BSPH1: variants seen among roughly 807,000 people sequenced by gnomAD.
The protein encoded by BSPH1 is binder of sperm 1.
Under a neutral mutation model 22.5 loss-of-function variants are expected in BSPH1, and 21 were observed. The observed-to-expected ratio is 0.93, with a 90% CI of 0.66 to 1.35. The LOEUF (loss-of-function observed/expected upper bound fraction) is 1.35, where lower values mean the gene tolerates loss of function less well. Ranked by LOEUF, BSPH1 falls within the 40% of genes most tolerant of loss-of-function variation. The pLI is 0.00. For missense variants in BSPH1, 141 were observed against 154.2 expected (o/e 0.91, Z 0.45); for synonymous variants, 42 against 53.6 (o/e 0.78, Z 0.95).
downstream of BSPH1, among the ~76,000 whole-genome samples, chr19:47,967,310 A>G (rs1300408303): frequency 6.6e-6 from 1 of 152,160 alleles, no homozygotes; most frequent in East Asian, 1.9e-4. Context: ...AAAGGATACG[A>G]TTTCATTCTT....
intron 1 of BSPH1, among the ~76,000 whole-genome samples, chr19:47,983,724 C>G (rs1239141540): frequency 6.6e-6 from 1 of 152,094 alleles, no homozygotes; most frequent in Non-Finnish European, 1.5e-5. Context: ...AGCAAGTGGA[C>G]TACAAAATGA....
At chr19:47,979,962 G>A (rs1247018685) in intron 2 of BSPH1, among the ~76,000 whole-genome samples, 2 of 151,958 alleles carry the variant, frequency 1.3e-5, no homozygotes, top group Non-Finnish European at 2.9e-5. Context: ...CTTGCATCCA[G>A]CCACATAGCC....
At chr19:47,979,384 G>A (rs1433982561) in intron 3 of BSPH1, among the ~76,000 whole-genome samples, 186 bp downstream of exon 3, 2 of 152,090 alleles carry the variant, frequency 1.3e-5, no homozygotes, top group African/African-American at 2.4e-5. Context: ...CACATTTAGT[G>A]CTGATGAAAG....
chr19:47,973,216 CAAA>C (rs1412822380), intron 5 of BSPH1, among the ~76,000 whole-genome samples: 2 of 78,024 alleles, frequency 2.6e-5, no homozygotes. Flanking sequence ...GACTCCGTCT[CAAA>C]ATAATAATAA....
intron 1 of BSPH1, among the ~76,000 whole-genome samples, chr19:47,990,666 A>G (rs1474086420): frequency 6.6e-6 from 1 of 152,078 alleles, no homozygotes; most frequent in Admixed American, 6.6e-5. Context: ...TAAAAGAAAT[A>G]TCTGCAAGAT....
intron 5 of BSPH1, among the ~76,000 whole-genome samples, 183 bp from the exon 6 acceptor site, chr19:47,968,392 C>T (rs911660137): frequency 4.0e-4 from 59 of 146,332 alleles, no homozygotes; most frequent in African/African-American, 1.5e-3. Context: ...GACAGAGTAT[C>T]TGTCTCCCAC....
In BSPH1 at chr19:47,976,583, A is replaced by G. The variant is rs1421109962; in HGVS notation, c.*2+127T>C. The G allele has an allele frequency of 9.0e-6, 3 of 331,940 alleles. No homozygotes were observed. The African/African-American group carries it at 1.4e-4, about 16-fold the overall frequency. The allele number at this position is 331,940 out of a possible 1,614,324, so 20.6% of individuals were successfully genotyped here. A position where few individuals can be genotyped will look rare whatever the true frequency, so the allele number is the denominator to read the frequency against. On this transcript the variant is annotated intron_variant, in intron 5 of 5. Transcript: ENST00000344839. ...AGATCACCTTCAACTCACATCCCAG[A>G]AAAAAAAAAAAAACAAAAAAAAACC...
chr19:47,990,788 T>C (rs930879208), intron 1 of BSPH1, among the ~76,000 whole-genome samples: 2 of 152,134 alleles, frequency 1.3e-5, no homozygotes, highest in Non-Finnish European at 2.9e-5. Context: ...CTATTTCGCT[T>C]CATAATTGTT....
chr19:47,988,514 C>T (rs1192184268), intron 1 of BSPH1, among the ~76,000 whole-genome samples: 1 of 152,092 alleles, frequency 6.6e-6, no homozygotes, highest in Non-Finnish European at 1.5e-5. Flanking sequence ...TTGAGTGGGA[C>T]AGAGGAGGCG....
chr19:47,981,822 C>T, intron 1 of BSPH1: 1 of 737,912 alleles, frequency 1.4e-6, no homozygotes. Context: ...CCTTCATGAG[C>T]CATTCAACCT....
intron 5 of BSPH1, among the ~76,000 whole-genome samples, chr19:47,969,016 A>G (rs1207241272): frequency 1.3e-5 from 2 of 151,684 alleles, no homozygotes; most frequent in African/African-American, 2.4e-5. Flanking sequence ...AAAAAAAAAA[A>G]AAAAAAGAAA....
At chr19:47,975,819 C>T (rs1192455819) in intron 5 of BSPH1, among the ~76,000 whole-genome samples, 1 of 152,008 alleles carries the variant, frequency 6.6e-6, no homozygotes, top group East Asian at 1.9e-4. Flanking sequence ...CCACGCCCGG[C>T]TAATTTTTTG....
chr19:47,977,600 G>C (rs1443121490), intron 3 of BSPH1, 96 bp from the exon 4 acceptor site: 9 of 1,495,676 alleles, frequency 6.0e-6, no homozygotes, highest in Non-Finnish European at 8.0e-6. Flanking sequence ...TTTGAAATCA[G>C]AGTCATTGGC....
In BSPH1 at chr19:47,976,696, C is replaced by G. The variant is rs374268834; in HGVS notation, c.*2+14G>C. ...GATTAAACGTCTTCATCCCCCTCCC[C>G]TGGTAAATCTCACCATCATTCACAG... On this transcript the variant is annotated intron_variant, in intron 5 of 5. Coordinates refer to ENST00000344839, the MANE Select transcript of BSPH1 (RefSeq NM_001128326.2). 11 of 1,550,700 alleles carry G rather than the reference C, an allele frequency of 7.1e-6. No homozygotes were observed. The African/African-American group carries it at 8.2e-5, about 12-fold the overall frequency.
At chr19:47,970,915 A>C (rs1458173476) in intron 5 of BSPH1, among the ~76,000 whole-genome samples, 1 of 152,184 alleles carries the variant, frequency 6.6e-6, no homozygotes, top group Non-Finnish European at 1.5e-5. Context: ...AACTAAGCCT[A>C]AATCAGACAA....
chr19:47,974,754 A>G (rs1231167387), intron 5 of BSPH1, among the ~76,000 whole-genome samples: 1 of 148,208 alleles, frequency 6.7e-6, no homozygotes, highest in Non-Finnish European at 1.5e-5. Context: ...CTGCACTATT[A>G]TCTATAGTTT....
chr19:47,979,920 T>C (rs1246985792), intron 2 of BSPH1, among the ~76,000 whole-genome samples: 2 of 152,138 alleles, frequency 1.3e-5, no homozygotes, highest in Non-Finnish European at 2.9e-5. Flanking sequence ...CTTATCAGTA[T>C]AGAGAAAAAC....
In BSPH1 at chr19:47,977,365, A is replaced by G; in HGVS notation, c.256+8T>C. The G allele has an allele frequency of 6.4e-7, 1 of 1,550,468 alleles. No individual in the cohort carries two copies. Among genetic ancestry groups the G allele is most frequent in the East Asian group, 2.4e-5 (1 of 40,890 alleles). On this transcript the variant is annotated splice_region_variant and intron_variant, in intron 4 of 5. Transcript: ENST00000344839. ...CTGCTCTGAGGTATTTAGAGACAGG[A>G]CACTCACCTTCTGCACTGCAAAACT...
At chr19:47,973,336 TACTC>T (rs1969330115) in intron 5 of BSPH1, among the ~76,000 whole-genome samples, 1 of 152,064 alleles carries the variant, frequency 6.6e-6, no homozygotes, top group Non-Finnish European at 1.5e-5. Context: ...TGGAATATTT[TACTC>T]ACTTCTAGGG....
Sources: gnomAD v4.1 joint callset for allele counts (sites outside exome capture counted in the v4.1 genomes callset) on GRCh38, gnomAD v4.1.1 for gene constraint, MANE v1.5 for transcripts, NCBI Gene and HGNC (gene_info 2026-07-23, HGNC 2026-07-21) for gene names.